The following XPO4 variants were observed in gnomAD, a reference collection of about 807,000 sequenced individuals.
XPO4 encodes exportin 4, also known as exportin-4.
A neutral mutation model predicts 143.0 loss-of-function variants in XPO4; 39 were observed. The ratio of observed to expected loss-of-function variants is 0.27; its 90% CI spans 0.21 to 0.36. The LOEUF is 0.36. Among genes scored for constraint, XPO4 ranks in the 10% least tolerant of loss-of-function variants. The probability of loss-of-function intolerance (pLI) is 1.00; values close to 1 mark genes in which losing one functional copy is unlikely to be tolerated. For synonymous variants in XPO4, 439 were observed against 474.0 expected, an observed-to-expected ratio of 0.93 and a Z score of 0.96; for missense variants, 907 against 1,348.0, an observed-to-expected ratio of 0.67 and a Z score of 5.12.
chr13:20,902,135 C>T (rs2060626470), intron 1 of XPO4: 2 of 985,266 alleles, frequency 2.0e-6, no homozygotes, highest in African/African-American at 1.7e-5. Flanking sequence ...TCCCTCCAGC[C>T]GGCCCGGCCC....
At chr13:20,817,285 G>C (rs573684391) in intron 9 of XPO4, among the ~76,000 whole-genome samples, 22 of 152,278 alleles carry the variant, frequency 1.4e-4, no homozygotes, top group African/African-American at 4.8e-4. Flanking sequence ...TCACTACAAA[G>C]TAATTACCCA....
Position 20,842,971 on chromosome 13 carries a change from A to G in XPO4, c.651T>C (p.Ala217=). The change falls in exon 6 of 23, where the codon GCT becomes GCC. Residue 217 remains alanine, a synonymous_variant. Transcript: ENST00000255305. ...QEFSRRENLN[A]QMSSVFQRYL... ...AACGCTGAAATACTGAAGACATCTGAGCATTGAGGTTTTCCCGCCTGCTGA... is the reference window on the plus strand; with the variant it reads ...AACGCTGAAATACTGAAGACATCTGGGCATTGAGGTTTTCCCGCCTGCTGA... 1 of 1,613,648 alleles carries G rather than the reference A, an allele frequency of 6.2e-7. No individual in the cohort carries two copies. The highest frequency in any genetic ancestry group is 8.5e-7 in the Non-Finnish European group (1 of 1,179,680).
chr13:20,823,997 G>A (rs1391623296), intron 7 of XPO4, among the ~76,000 whole-genome samples: 4 of 152,130 alleles, frequency 2.6e-5, no homozygotes, highest in Admixed American at 1.3e-4. Context: ...CTGGAACACC[G>A]CCGTGCTTAT....
intron 3 of XPO4, 45 bp from the exon 4 acceptor site, chr13:20,855,810 T>C: frequency 1.3e-6 from 2 of 1,526,600 alleles, no homozygotes; most frequent in Non-Finnish European, 1.8e-6. Flanking sequence ...CTAAATCTAA[T>C]ACAAGAATAC....
intron 22 of XPO4, among the ~76,000 whole-genome samples, chr13:20,785,894 AAG>A (rs1217744201): frequency 2.9e-5 from 2 of 69,612 alleles, no homozygotes; most frequent in African/African-American, 1.0e-4. Flanking sequence ...GGGAGAAAGA[AAG>A]AAAGAGGAGG....
intron 16 of XPO4, among the ~76,000 whole-genome samples, chr13:20,798,196 A>G (rs1308737231): frequency 6.6e-6 from 1 of 152,128 alleles, no homozygotes; most frequent in African/African-American, 2.4e-5. Context: ...ATGAGGTCAT[A>G]CCGGAATAGG....
Position 20,798,807 on chromosome 13 carries a change from G to T in XPO4, c.2322+358C>A, listed in dbSNP as rs555740099. On this transcript the variant is annotated intron_variant, in intron 16 of 22. Coordinates refer to ENST00000255305, the MANE Select transcript of XPO4 (RefSeq NM_022459.5). ...GGCCAAGGCGGGCAGATTGCTTGAG[G>T]CCAGGAGTTCGAGACCAGCCTGGCC... Among the ~76,000 whole-genome samples, 276 of 152,128 alleles carry T rather than the reference G, an allele frequency of 1.8e-3. 1 individual carries two copies. Among genetic ancestry groups the T allele is most frequent in the African/African-American group, 5.9e-3 (245 of 41,498 alleles).
intron 1 of XPO4, among the ~76,000 whole-genome samples, chr13:20,884,949 GGTTTGTTTTTTT>G (rs1352869638): frequency 1.3e-5 from 2 of 151,834 alleles, no homozygotes; most frequent in Non-Finnish European, 2.9e-5. Context: ...AGGTTTTTTT[GGTTTGTTTTTTT>G]GTTTGTTTGT....
chr13:20,874,833 A>T (rs1283738434), intron 1 of XPO4, among the ~76,000 whole-genome samples: 2 of 152,110 alleles, frequency 1.3e-5, no homozygotes, highest in Non-Finnish European at 2.9e-5. Flanking sequence ...TCTCTACTAA[A>T]AATACAAAAA....
At chr13:20,882,430 C>A (rs1170763695) in intron 1 of XPO4, among the ~76,000 whole-genome samples, 1 of 152,084 alleles carries the variant, frequency 6.6e-6, no homozygotes, top group African/African-American at 2.4e-5. Context: ...GTGCCACATT[C>A]TTTTAAACCA....
At chr13:20,817,381 T>C (rs1319044058) in intron 9 of XPO4, among the ~76,000 whole-genome samples, 2 of 152,254 alleles carry the variant, frequency 1.3e-5, no homozygotes, top group East Asian at 1.9e-4. Context: ...TTTATTTTAT[T>C]GCATTACATT....
intron 1 of XPO4, among the ~76,000 whole-genome samples, chr13:20,894,383 G>A (rs1431839517): frequency 6.6e-6 from 1 of 152,062 alleles, no homozygotes; most frequent in African/African-American, 2.4e-5. Flanking sequence ...ATACTTAGCA[G>A]TGATTAAACA....
At chr13:20,789,630 G>C (rs529352788) in intron 19 of XPO4, among the ~76,000 whole-genome samples, 1 of 150,806 alleles carries the variant, frequency 6.6e-6, no homozygotes, top group Non-Finnish European at 1.5e-5. Flanking sequence ...GGATGGTCTC[G>C]ATCTCCTGAC....
intron 1 of XPO4, among the ~76,000 whole-genome samples, chr13:20,894,528 GAAGTAGATTTTAA>G (rs2060549142): frequency 6.6e-6 from 1 of 152,118 alleles, no homozygotes; most frequent in South Asian, 2.1e-4. Context: ...GACATTCAAG[GAAGTAGATTTTAA>G]AAGTAGATTT....
At chr13:20,871,418 C>A (rs550144854) in intron 1 of XPO4, among the ~76,000 whole-genome samples, 9 of 152,162 alleles carry the variant, frequency 5.9e-5, no homozygotes, top group Non-Finnish European at 1.3e-4. Flanking sequence ...CTCTTGGGCT[C>A]AAGGGATCCT....
chr13:20,805,610 C>T (rs1357327592), intron 13 of XPO4, among the ~76,000 whole-genome samples: 1 of 152,226 alleles, frequency 6.6e-6, no homozygotes, highest in Non-Finnish European at 1.5e-5. Context: ...ACTCATCACA[C>T]TAATGACAAC....
intron 3 of XPO4, among the ~76,000 whole-genome samples, chr13:20,857,665 T>C (rs2060157587): frequency 6.6e-6 from 1 of 152,088 alleles, no homozygotes; most frequent in Non-Finnish European, 1.5e-5. Context: ...AGGCGGAGCT[T>C]GCAGTGAGCT....
chr13:20,819,571 A>C lies in XPO4; in HGVS notation c.1173+2133T>G, dbSNP rs180779951. ...GCTACTCGGGAGGCTGATGCAGAAG[A>C]ATCGCTTGAACCTGTGAGGCAGAGG... On this transcript the variant is annotated intron_variant, in intron 9 of 22. Transcript: ENST00000255305. Among the ~76,000 whole-genome samples the C allele has an allele frequency of 9.4e-4, 143 of 152,260 alleles. 1 individual carries two copies. The highest frequency in any genetic ancestry group is 1.4e-3 in the Non-Finnish European group (96 of 68,018).
chr13:20,800,415 C>G, intron 14 of XPO4, 90 bp from the exon 15 acceptor site: 1 of 1,293,286 alleles, frequency 7.7e-7, no homozygotes, highest in East Asian at 2.4e-5. Context: ...AAATTAGTAT[C>G]TAATCTGAAG....
Sources: allele counts gnomAD v4.1 joint callset (sites outside exome capture counted in the v4.1 genomes callset), GRCh38; gene constraint gnomAD v4.1.1; transcripts MANE v1.5; gene names NCBI Gene and HGNC (gene_info 2026-07-23, HGNC 2026-07-21).